Variants in RAF1 observed in about 807,000 individuals in gnomAD.
The protein encoded by RAF1 is Raf-1 proto-oncogene, serine/threonine kinase, also known as RAF proto-oncogene serine/threonine-protein kinase.
A neutral mutation model predicts 81.1 loss-of-function variants in RAF1; 27 were observed. The ratio of observed to expected loss-of-function variants is 0.33; its 90% CI spans 0.25 to 0.46. The LOEUF (loss-of-function observed/expected upper bound fraction) is 0.46. Among genes scored for constraint, RAF1 ranks in the 20% least tolerant of loss-of-function variants. The pLI is 1.00. For synonymous variants in RAF1, 298 were observed against 294.0 expected (o/e 1.01, Z -0.14); for missense variants, 598 against 826.0 (o/e 0.72, Z 3.38).
chr3:12,631,336 C>T (rs1000038307), intron 1 of RAF1, among the ~76,000 whole-genome samples: 6 of 152,302 alleles, frequency 3.9e-5, no homozygotes, highest in East Asian at 3.9e-4. Flanking sequence ...CAGTGGCTCA[C>T]GCCTGTAATC....
intron 1 of RAF1, among the ~76,000 whole-genome samples, chr3:12,658,625 A>C (rs988967912): frequency 6.6e-6 from 1 of 152,150 alleles, no homozygotes; most frequent in Non-Finnish European, 1.5e-5. Flanking sequence ...AAAAGAAACA[A>C]ACAAAATTGA....
chr3:12,625,709 C>G (rs1039281787), intron 1 of RAF1, among the ~76,000 whole-genome samples: 7 of 152,070 alleles, frequency 4.6e-5, no homozygotes, highest in African/African-American at 1.7e-4. Context: ...ATATTTACCC[C>G]CAGCTACTTA....
chr3:12,590,586 A>G (rs1301674142), intron 13 of RAF1: 1 of 587,122 alleles, frequency 1.7e-6, no homozygotes, highest in South Asian at 1.9e-5. Flanking sequence ...TTGGCCTCCC[A>G]AAGTGCTGGG....
At chr3:12,591,074 C>T in intron 12 of RAF1, 100 bp from the exon 12 acceptor site, 3 of 1,127,134 alleles carry the variant, frequency 2.7e-6, no homozygotes, top group Non-Finnish European at 3.8e-6. Context: ...GTCGACACCA[C>T]CCCCAGTCCC....
intron 1 of RAF1, among the ~76,000 whole-genome samples, chr3:12,628,105 C>G (rs1487533874): frequency 6.6e-6 from 1 of 152,218 alleles, no homozygotes; most frequent in Non-Finnish European, 1.5e-5. Context: ...AAGAGTGAAA[C>G]TCCGTCTCAA....
intron 1 of RAF1, among the ~76,000 whole-genome samples, chr3:12,619,643 A>G (rs2059493435): frequency 6.6e-6 from 1 of 151,798 alleles, no homozygotes; most frequent in Non-Finnish European, 1.5e-5. Context: ...TTTCAACTAC[A>G]TTTCTCTTCT....
chr3:12,592,737 T>TC (rs1356308165), intron 11 of RAF1, among the ~76,000 whole-genome samples: 1 of 146,518 alleles, frequency 6.8e-6, no homozygotes, highest in East Asian at 2.0e-4. Flanking sequence ...GCCACTTTTT[T>TC]TTTTTTTTTT....
At chr3:12,617,546 C>T (rs1304007629) in intron 2 of RAF1, among the ~76,000 whole-genome samples, 2 of 152,154 alleles carry the variant, frequency 1.3e-5, no homozygotes, top group Non-Finnish European at 2.9e-5. Context: ...AATCACCACA[C>T]CCAGCCAGAA....
rs75861360 is a variant in RAF1, at chr3:12,654,827, A to T, written c.-27+8986T>A. On this transcript the variant is annotated intron_variant, in intron 1 of 17. Coordinates refer to ENST00000442415, the MANE Select transcript of RAF1 (RefSeq NM_001354689.3). ...AGGGAGGAAAAAACCCATCAGATCCAAATATAGCCAAATTCAAAGGTTCTG... is the reference window on the plus strand; with the variant it reads ...AGGGAGGAAAAAACCCATCAGATCCTAATATAGCCAAATTCAAAGGTTCTG... Among the ~76,000 whole-genome samples, 792 of 147,856 alleles carry T rather than the reference A, an allele frequency of 5.4e-3. 10 individuals are homozygous for T. The highest frequency in any genetic ancestry group is 0.018 in the African/African-American group (745 of 40,480).
intron 11 of RAF1, among the ~76,000 whole-genome samples, chr3:12,597,435 T>C (rs2058719853): frequency 6.6e-6 from 1 of 152,210 alleles, no homozygotes. Flanking sequence ...CCGCTGGCTT[T>C]TAGCTGGGGC....
chr3:12,600,430 G>A lies in RAF1; in HGVS notation c.895-15C>T, dbSNP rs2058827309. The A allele has an allele frequency of 6.2e-7, 1 of 1,614,102 alleles. No homozygotes were observed. The highest frequency in any genetic ancestry group is 8.5e-7 in the Non-Finnish European group (1 of 1,179,976). On this transcript the variant is annotated splice_polypyrimidine_tract_variant and intron_variant, in intron 8 of 17. Transcript: ENST00000442415. The stretch of plus-strand genomic sequence containing the variant: ...CGAATTGCATCCTGAAACAGAAAAG[G>A]AAAGCTGGTCAACTCCTACACACAA...
At chr3:12,590,516 G>C in intron 13 of RAF1, 2 of 434,602 alleles carry the variant, frequency 4.6e-6, no homozygotes, top group Non-Finnish European at 8.6e-6. Context: ...GTAGAAACAG[G>C]GTTTTGCCAT....
intron 10 of RAF1, 43 bp downstream of exon 9, chr3:12,600,109 T>A: frequency 6.2e-7 from 1 of 1,613,344 alleles, no homozygotes; most frequent in Non-Finnish European, 8.5e-7. Flanking sequence ...AGGTTTTTCT[T>A]ACTGAACCCT....
intron 1 of RAF1, among the ~76,000 whole-genome samples, chr3:12,652,438 T>C (rs2060562146): frequency 6.6e-6 from 1 of 151,984 alleles, no homozygotes; most frequent in Admixed American, 6.6e-5. Flanking sequence ...AGAGAATCAC[T>C]TGAACCCAGG....
At chr3:12,595,879 CTT>C (rs35282213) in intron 11 of RAF1, among the ~76,000 whole-genome samples, 8 of 144,846 alleles carry the variant, frequency 5.5e-5, no homozygotes, top group African/African-American at 7.6e-5. Context: ...CCTTAAGTTT[CTT>C]TTTTTTTTTT....
At chr3:12,659,855 T>G (rs987912489) in intron 1 of RAF1, among the ~76,000 whole-genome samples, 1 of 152,152 alleles carries the variant, frequency 6.6e-6, no homozygotes, top group African/African-American at 2.4e-5. Flanking sequence ...AGCTCAAGAT[T>G]ATTATGTATG....
chr3:12,600,515 A>G, intron 8 of RAF1, 100 bp from the exon 8 acceptor site: 2 of 1,315,162 alleles, frequency 1.5e-6, no homozygotes, highest in Middle Eastern at 4.5e-4. Flanking sequence ...AAAATAGATT[A>G]TAAAAACCTC....
At chr3:12,654,102 T>C (rs1441944938) in intron 1 of RAF1, among the ~76,000 whole-genome samples, 1 of 151,436 alleles carries the variant, frequency 6.6e-6, no homozygotes, top group Non-Finnish European at 1.5e-5. Flanking sequence ...AACAATCCTC[T>C]CTCCTCAGCC....
At chr3:12,595,469 C>T (rs992308491) in intron 11 of RAF1, among the ~76,000 whole-genome samples, 4 of 152,132 alleles carry the variant, frequency 2.6e-5, no homozygotes, top group African/African-American at 7.2e-5. Flanking sequence ...CAAAGGCTTG[C>T]CAAACCTCCT....
Sources: gnomAD v4.1 joint callset for allele counts (sites outside exome capture counted in the v4.1 genomes callset) on GRCh38, gnomAD v4.1.1 for gene constraint, MANE v1.5 for transcripts, NCBI Gene and HGNC (gene_info 2026-07-23, HGNC 2026-07-21) for gene names.